The following SLC35E4 variants were observed in gnomAD, a reference collection of about 807,000 sequenced individuals.
The protein encoded by SLC35E4 is solute carrier family 35 member E4.
In SLC35E4, 15 loss-of-function variants were observed where a neutral mutation model predicts 19.3. The observed-to-expected ratio is 0.78, with a 90% CI of 0.52 to 1.20. SLC35E4 has a LOEUF of 1.20. SLC35E4 is among the 50% of genes most tolerant of loss of function. The pLI is 0.00. For missense variants in SLC35E4, 406 were observed against 472.3 expected, an observed-to-expected ratio of 0.86 and a Z score of 1.30; for synonymous variants, 219 against 219.9, an observed-to-expected ratio of 1.00 and a Z score of 0.04.
chr22:30,640,012 C>G (rs2088013580), intron 1 of SLC35E4, among the ~76,000 whole-genome samples: 1 of 152,148 alleles, frequency 6.6e-6, no homozygotes, highest in Non-Finnish European at 1.5e-5. Flanking sequence ...GCAGTAAAGA[C>G]AGGCGTAAGA....
downstream of SLC35E4, among the ~76,000 whole-genome samples, chr22:30,665,907 G>C (rs542133750): frequency 6.7e-6 from 1 of 148,884 alleles, no homozygotes; most frequent in South Asian, 2.2e-4. Flanking sequence ...GAGTTCTCTG[G>C]CAGCGTGTCT....
downstream of SLC35E4, chr22:30,667,227 T>A (rs945989071): frequency 2.6e-5 from 4 of 152,230 alleles, no homozygotes; most frequent in African/African-American, 7.2e-5. Flanking sequence ...AAAGGACTTG[T>A]TCAGAACGAG....
At chr22:30,651,427 ATTTTTTTTTTTTTTTTT>A (rs1160256288), downstream of SLC35E4, among the ~76,000 whole-genome samples, 19 of 22,158 alleles carry the variant, frequency 8.6e-4, no homozygotes, top group South Asian at 4.2e-3. Context: ...ATATATATAT[ATTTTTTTTTTTTTTTTT>A]TTTTTTTTTT....
At chr22:30,638,994 C>T (rs2087994359) in intron 1 of SLC35E4, among the ~76,000 whole-genome samples, 1 of 151,660 alleles carries the variant, frequency 6.6e-6, no homozygotes, top group Non-Finnish European at 1.5e-5. Flanking sequence ...CAGCCCAGCG[C>T]AGTGGCTCAC....
Position 30,647,315 on chromosome 22 carries a change from T to C in SLC35E4, c.*284T>C, listed in dbSNP as rs1431955863. ...TGGGAGGCTAAGGTGGGAGGATCAC[T>C]TGAGCCCTGGAGATCGAGGCTGCAG... On this transcript the variant is annotated 3_prime_UTR_variant, in exon 2 of 2. Transcript: ENST00000343605. The C allele has an allele frequency of 2.5e-6, 1 of 404,682 alleles. No individual in the cohort carries two copies. Among genetic ancestry groups the C allele is most frequent in the Non-Finnish European group, 4.4e-6 (1 of 224,754 alleles). 25.1% of individuals were successfully genotyped at this position (404,682 alleles called of 1,614,324 possible).
At position 30,646,619 on chromosome 22, in the gene SLC35E4, G is replaced by A. The variant is rs148304964; in HGVS notation, c.641G>A (p.Arg214Lys). ...GCAGGTGCCCTGCTGCAGGAGGAGA[G>A]GCTGGACGCGGTGACCCTGCTTTAC... Reference protein sequence around the residue: ...VQQSALLQEERLDAVTLLYAT... With the variant: ...VQQSALLQEEKLDAVTLLYAT... Residue 214 changes from arginine to lysine, a missense_variant, in exon 2 of 2, where the codon AGG (arginine) becomes AAG (lysine). Physicochemically the swap from Arg to Lys is conservative, Grantham distance 26. Coordinates refer to ENST00000343605, the MANE Select transcript of SLC35E4 (RefSeq NM_001001479.4). 4.2e-3 allele frequency: 6,659 copies of A among 1,604,322 alleles called. 16 individuals are homozygous for A. Among genetic ancestry groups the A allele is most frequent in the Non-Finnish European group, 5.1e-3 (5,945 of 1,174,270 alleles).
chr22:30,646,681 G>A lies in SLC35E4; in HGVS notation c.703G>A (p.Ala235Thr), dbSNP rs776196230. 4 of 1,611,844 alleles carry A rather than the reference G, an allele frequency of 2.5e-6. No homozygotes were observed. Among genetic ancestry groups the A allele is most frequent in the Non-Finnish European group, 3.4e-6 (4 of 1,179,620 alleles). Residue 235 changes from alanine (A) to threonine (T), a missense_variant, in exon 2 of 2, where the codon GCA (alanine) becomes ACA (threonine). Physicochemically the swap from Ala to Thr is moderately conservative, Grantham distance 58. Transcript: ENST00000343605. ...SLPSFCLLAGAALVLEAGVAP... is the reference protein window; with the variant it reads ...SLPSFCLLAGTALVLEAGVAP... ...GCCCAGCTTCTGCCTGCTGGCGGGT[G>A]CAGCCCTGGTGCTGGAGGCTGGCGT... is the stretch of plus-strand genomic sequence containing the variant.
At chr22:30,663,155 G>A in exon 3 of SLC35E4, 2 of 358,796 alleles carry the variant, frequency 5.6e-6, no homozygotes, top group Non-Finnish European at 1.0e-5. Flanking sequence ...ATGTGCAATG[G>A]GTGCTGCCCT....
In SLC35E4 at chr22:30,644,576, C is replaced by T. The variant is rs539515123; in HGVS notation, c.620-2022C>T. On this transcript the variant is annotated intron_variant, in intron 1 of 1. Transcript: ENST00000343605. Reference sequence around the variant, plus strand: ...GGTGAACCAGATGACGAAACCCCATCTCTACAAAAAATACAAAAATTTTCA... The same window carrying T: ...GGTGAACCAGATGACGAAACCCCATTTCTACAAAAAATACAAAAATTTTCA... Among the ~76,000 whole-genome samples the T allele has an allele frequency of 1.4e-4, 22 of 152,290 alleles. No homozygotes were observed. In the East Asian group the frequency reaches 4.2e-3, roughly 29 times the overall value.
downstream of SLC35E4, chr22:30,649,381 G>A (rs546982701): frequency 8.8e-5 from 54 of 616,666 alleles, 1 homozygote; most frequent in African/African-American, 7.7e-4. Context: ...GTGGTCTATG[G>A]AGACTGAGAT....
chr22:30,668,683 C>CCCT (rs2088762626), exon 3 of SLC35E4: 1 of 152,342 alleles, frequency 6.6e-6, no homozygotes, highest in Non-Finnish European at 1.5e-5. Flanking sequence ...TCCCACACTC[C>CCCT]CCTTCTCAGC....
At chr22:30,650,821 G>A (rs535721761), downstream of SLC35E4, among the ~76,000 whole-genome samples, 3 of 152,248 alleles carry the variant, frequency 2.0e-5, no homozygotes, top group South Asian at 2.1e-4. Flanking sequence ...GCATAGCAGC[G>A]TGGATGCCAA....
Position 30,646,940 on chromosome 22 carries a change from G to A in SLC35E4, c.962G>A (p.Gly321Glu), listed in dbSNP as rs1211326697. The A allele has an allele frequency of 6.2e-7, 1 of 1,614,050 alleles. No homozygotes were observed. Among genetic ancestry groups the A allele is most frequent in the African/African-American group, 1.3e-5 (1 of 74,948 alleles). ...GTGGGCATCGCACTCACTCTTTCAG[G>A]AATGTTCCTTTACCACAACTGCGAG... Reference protein sequence around the residue: ...SYVGIALTLSGMFLYHNCEFV... With the variant: ...SYVGIALTLSEMFLYHNCEFV... The change falls in exon 2 of 2, where the codon GGA (glycine) becomes GAA (glutamate). Residue 321 changes from glycine to glutamate, a missense_variant. Transcript: ENST00000343605.
exon 3 of SLC35E4, chr22:30,669,004 C>T (rs1569077715): frequency 6.6e-6 from 1 of 151,850 alleles, no homozygotes; most frequent in East Asian, 1.9e-4. Context: ...TTTAAAAAAA[C>T]AAAAAACTCT....
At chr22:30,651,197 A>C (rs2088202813), downstream of SLC35E4, among the ~76,000 whole-genome samples, 1 of 150,410 alleles carries the variant, frequency 6.6e-6, no homozygotes, top group African/African-American at 2.5e-5. Flanking sequence ...ATGATCTTTT[A>C]TTTCTTTTCT....
At position 30,647,169 on chromosome 22, in the gene SLC35E4, G is replaced by GATCCACCCACCTC; in HGVS notation, c.*138_*139insATCCACCCACCTC. The stretch of plus-strand genomic sequence containing the variant: ...TCCCAGCACTTCCAGAGTCCGAGGT[G>GATCCACCCACCTC]GGTGGATCACCTGAGGCCAGGAGTT... On this transcript the variant is annotated 3_prime_UTR_variant, in exon 2 of 2. Coordinates refer to ENST00000343605, the MANE Select transcript of SLC35E4 (RefSeq NM_001001479.4). The GATCCACCCACCTC allele has an allele frequency of 1.8e-6, 2 of 1,102,204 alleles. No individual in the cohort carries two copies. The highest frequency in any genetic ancestry group is 2.5e-6 in the Non-Finnish European group (2 of 797,322). The allele number at this position is 1,102,204 out of a possible 1,614,324, so 68.3% of individuals were successfully genotyped here. A position where few individuals can be genotyped will look rare whatever the true frequency, so the allele number is the denominator to read the frequency against.
intron 1 of SLC35E4, among the ~76,000 whole-genome samples, chr22:30,639,847 G>A (rs765294649): frequency 2.0e-5 from 3 of 152,128 alleles, no homozygotes; most frequent in South Asian, 2.1e-4. Context: ...TGCAGTTAAC[G>A]CAATCATCAC....
At chr22:30,664,434 C>A (rs574475474), downstream of SLC35E4, among the ~76,000 whole-genome samples, 3 of 152,340 alleles carry the variant, frequency 2.0e-5, no homozygotes, top group Non-Finnish European at 1.5e-5. Flanking sequence ...CTCAGCTGTG[C>A]CTTGGCCTGA....
rs1389184839 is a variant in SLC35E4, at chr22:30,655,429, C to CTA, written c.*8+6176_*8+6177insTA. Among the ~76,000 whole-genome samples the CTA allele has an allele frequency of 6.3e-5, 7 of 111,642 alleles. No homozygotes were observed. In the East Asian group the frequency reaches 1.7e-3, roughly 27 times the overall value. 73.2% of individuals were successfully genotyped at this position (111,642 alleles called of 152,430 possible). ...TCTGGGTAACAGAGTGAGATCCTAC[C>CTA]AAAAAAAAAAAAAAAAAAAGAAAAA... On this transcript the variant is annotated intron_variant, in intron 2 of 2. Coordinates refer to the SLC35E4 transcript ENST00000406566.
Sources: allele counts gnomAD v4.1 joint callset (sites outside exome capture counted in the v4.1 genomes callset), GRCh38; gene constraint gnomAD v4.1.1; transcripts MANE v1.5; gene names NCBI Gene and HGNC (gene_info 2026-07-23, HGNC 2026-07-21).